Variants in RNF144B observed in about 807,000 individuals in gnomAD.
RNF144B encodes ring finger protein 144B, also known as E3 ubiquitin-protein ligase RNF144B.
In RNF144B, 25 loss-of-function variants were observed where a neutral mutation model predicts 40.2. The ratio of observed to expected loss-of-function variants is 0.62; its 90% CI spans 0.45 to 0.87. RNF144B has a LOEUF of 0.87. Ranked by LOEUF, RNF144B falls within the 40% of genes least tolerant of loss-of-function variation. The pLI is 0.00. For synonymous variants in RNF144B, 145 were observed against 136.3 expected, an observed-to-expected ratio of 1.06 and a Z score of -0.44; for missense variants, 365 against 373.7, an observed-to-expected ratio of 0.98 and a Z score of 0.19.
chr6:18,409,965 A>C (rs1486182897), intron 2 of RNF144B, among the ~76,000 whole-genome samples: 3 of 152,134 alleles, frequency 2.0e-5, no homozygotes, highest in African/African-American at 7.2e-5. Context: ...ACAGAATTTT[A>C]TTTCTTTTTA....
intron 4 of RNF144B, among the ~76,000 whole-genome samples, chr6:18,453,577 T>C (rs1029274467): frequency 4.6e-5 from 7 of 152,220 alleles, no homozygotes; most frequent in African/African-American, 1.7e-4. Context: ...CTCACCTACA[T>C]AGAAACCTTA....
intron 6 of RNF144B, among the ~76,000 whole-genome samples, chr6:18,461,266 A>T (rs949992413): frequency 6.6e-6 from 1 of 152,214 alleles, no homozygotes; most frequent in African/African-American, 2.4e-5. Flanking sequence ...AATATCTTCT[A>T]TTTAAAAATT....
intron 1 of RNF144B, among the ~76,000 whole-genome samples, chr6:18,388,182 G>A (rs796493811): frequency 6.6e-6 from 1 of 152,148 alleles, no homozygotes. Context: ...TTCACATAAA[G>A]ATTTCCCAGA....
chr6:18,448,872 TA>T lies in RNF144B; in HGVS notation c.332-8282del, dbSNP rs1759144185. ...TTGAAAAGCATCATGATAAAGAATATAGATTTGTTTGTCCCTTTCAAAGAGT... is the reference window on the plus strand; with the variant it reads ...TTGAAAAGCATCATGATAAAGAATATGATTTGTTTGTCCCTTTCAAAGAGT... On this transcript the variant is annotated intron_variant, in intron 4 of 7. Transcript: ENST00000259939. This position sits in a 1 kb window ranked among gnomAD's most constrained non-coding sequence, Gnocchi z 4.0. Among the ~76,000 whole-genome samples, 1 of 152,170 alleles carries T rather than the reference TA, an allele frequency of 6.6e-6. No homozygotes were observed. Among genetic ancestry groups the T allele is most frequent in the South Asian group, 2.1e-4 (1 of 4,822 alleles).
At chr6:18,390,769 A>G (rs566516522) in intron 1 of RNF144B, among the ~76,000 whole-genome samples, 1 of 152,364 alleles carries the variant, frequency 6.6e-6, no homozygotes, top group Admixed American at 6.5e-5. Context: ...ATATGATTAT[A>G]TGAAATCCTC....
In RNF144B at chr6:18,467,352, G is replaced by A. The variant is rs1254744057; in HGVS notation, c.*2285G>A. On this transcript the variant is annotated 3_prime_UTR_variant, in exon 8 of 8. Coordinates refer to ENST00000259939, the MANE Select transcript of RNF144B (RefSeq NM_182757.4). ...ATGTGCTATTTCCTTGGCGAGTTGA[G>A]GGAATTTGCCACCTTACAGAGTTTG... is the stretch of plus-strand genomic sequence containing the variant. 6.7e-6 allele frequency: 1 copy of A among 148,420 alleles called. No individual in the cohort carries two copies. Among genetic ancestry groups the A allele is most frequent in the Non-Finnish European group, 1.5e-5 (1 of 67,502 alleles). 9.2% of individuals were successfully genotyped at this position (148,420 alleles called of 1,614,324 possible).
chr6:18,388,187 C>T (rs552509295), intron 1 of RNF144B, among the ~76,000 whole-genome samples: 40 of 152,260 alleles, frequency 2.6e-4, no homozygotes, highest in Non-Finnish European at 5.1e-4. Flanking sequence ...ATAAAGATTT[C>T]CCAGAAATTA....
At chr6:18,415,225 T>C (rs1016958701) in intron 2 of RNF144B, among the ~76,000 whole-genome samples, 1 of 152,206 alleles carries the variant, frequency 6.6e-6, no homozygotes, top group Non-Finnish European at 1.5e-5. Flanking sequence ...GTATACCAAC[T>C]ATCTCTTAGA....
Position 18,459,438 on chromosome 6 carries a change from T to C in RNF144B, c.537-169T>C, listed in dbSNP as rs1242977629. Among the ~76,000 whole-genome samples the C allele has an allele frequency of 1.3e-5, 2 of 152,242 alleles. No individual in the cohort carries two copies. The highest frequency in any genetic ancestry group is 2.9e-5 in the Non-Finnish European group (2 of 68,048). ...GAAAGCCAAAATAAATAAAGATTCC[T>C]TCTTGTATGAGTTATCTGTACATCT... is the stretch of plus-strand genomic sequence containing the variant. On this transcript the variant is annotated intron_variant, in intron 5 of 7. Coordinates refer to ENST00000259939, the MANE Select transcript of RNF144B (RefSeq NM_182757.4). This position sits in a 1 kb window ranked among gnomAD's most constrained non-coding sequence, Gnocchi z 4.2.
chr6:18,413,243 T>C (rs1285480151), intron 2 of RNF144B, among the ~76,000 whole-genome samples: 1 of 152,240 alleles, frequency 6.6e-6, no homozygotes, highest in African/African-American at 2.4e-5. Context: ...TGAAGGCCCA[T>C]ATTTGGCTTT....
chr6:18,427,277 G>A (rs553587867), intron 2 of RNF144B, among the ~76,000 whole-genome samples: 4 of 152,070 alleles, frequency 2.6e-5, no homozygotes, highest in Admixed American at 2.0e-4. Context: ...TAAAGGAGGG[G>A]GCCTTTAGGG....
At chr6:18,387,697 GA>G in intron 1 of RNF144B, 67 bp downstream of exon 1, 2 of 1,232,680 alleles carry the variant, frequency 1.6e-6, no homozygotes, top group Non-Finnish European at 2.1e-6. Context: ...CTGGACTAAG[GA>G]AAAAGGACAG....
intron 2 of RNF144B, among the ~76,000 whole-genome samples, chr6:18,401,132 T>C (rs1408665024): frequency 1.3e-5 from 2 of 150,428 alleles, no homozygotes; most frequent in African/African-American, 4.8e-5. Context: ...TGAGGGTTAC[T>C]GCTGTTTAAA....
chr6:18,395,334 G>A lies in RNF144B; in HGVS notation c.-36-4165G>A, dbSNP rs1794671803. The stretch of plus-strand genomic sequence containing the variant: ...TGTGGCCCAATGGGAGGGACAGGAG[G>A]AGCTGGGAGTGTGTTATCAAATGCC... On this transcript the variant is annotated intron_variant, in intron 1 of 7. Coordinates refer to ENST00000259939, the MANE Select transcript of RNF144B (RefSeq NM_182757.4). The surrounding 1 kb of genome is among the most constrained non-coding windows in gnomAD (Gnocchi z 4.5). 6.6e-6 allele frequency among the ~76,000 whole-genome samples: 1 copy of A among 152,168 alleles called. No homozygotes were observed. The highest frequency in any genetic ancestry group is 1.5e-5 in the Non-Finnish European group (1 of 68,032).
rs1445164269 is a variant in RNF144B at position 18,414,682 on chromosome 6, T to A, written c.166-12899T>A. Among the ~76,000 whole-genome samples, 2 of 152,178 alleles carry A rather than the reference T, an allele frequency of 1.3e-5. No homozygotes were observed. The highest frequency in any genetic ancestry group is 4.8e-5 in the African/African-American group (2 of 41,446). ...AACTGGTTTAAATACTGAGACAGAT[T>A]TTATTTAAAATATAGGATTTCTGCT... is the stretch of plus-strand genomic sequence containing the variant. On this transcript the variant is annotated intron_variant, in intron 2 of 7. Coordinates refer to ENST00000259939, the MANE Select transcript of RNF144B (RefSeq NM_182757.4). The surrounding 1 kb of genome is among the most constrained non-coding windows in gnomAD (Gnocchi z 4.9).
In RNF144B at chr6:18,427,643, T is replaced by G. The variant is rs2113499297; in HGVS notation, c.228T>G (p.Pro76=). ...GATGTGGGTCTCCCATCACTTGCCC[T>G]GACATGGTGTGCCTAAACCACGGGA... ...REGCGSPITC[P]DMVCLNHGTL... is the part of the protein sequence containing the mutation. Residue 76 remains proline (P), a synonymous_variant, in exon 3 of 8, where the codon CCT becomes CCG. Coordinates refer to ENST00000259939, the MANE Select transcript of RNF144B (RefSeq NM_182757.4). 1 of 1,613,752 alleles carries G rather than the reference T, an allele frequency of 6.2e-7. No individual in the cohort carries two copies. Among genetic ancestry groups the G allele is most frequent in the Non-Finnish European group, 8.5e-7 (1 of 1,179,742 alleles).
chr6:18,415,557 G>A (rs755790224), intron 2 of RNF144B, among the ~76,000 whole-genome samples: 17 of 152,124 alleles, frequency 1.1e-4, no homozygotes, highest in Admixed American at 2.6e-4. Flanking sequence ...ATCACCTCCC[G>A]TGGGGGTTCA....
At chr6:18,439,465 C>T (rs375790695) in intron 3 of RNF144B, among the ~76,000 whole-genome samples, 1 of 152,164 alleles carries the variant, frequency 6.6e-6, no homozygotes, top group African/African-American at 2.4e-5. Context: ...TTTGTAACTG[C>T]TCCCTTCAGC....
chr6:18,428,060 A>T (rs1396844265), intron 3 of RNF144B, among the ~76,000 whole-genome samples: 4 of 152,150 alleles, frequency 2.6e-5, no homozygotes, highest in Non-Finnish European at 4.4e-5. Context: ...AGATAATTGA[A>T]TCATGGGGGC....
Sources: allele counts gnomAD v4.1 joint callset (sites outside exome capture counted in the v4.1 genomes callset), GRCh38; gene constraint gnomAD v4.1.1; non-coding constraint Gnocchi (gnomAD v3.1); transcripts MANE v1.5; gene names NCBI Gene and HGNC (gene_info 2026-07-23, HGNC 2026-07-21).